Variants in DSTYK observed in about 807,000 individuals in gnomAD.
The protein encoded by DSTYK is RIP-homologous kinase.
Under a neutral mutation model 98.7 loss-of-function variants are expected in DSTYK, and 34 were observed. The ratio of observed to expected loss-of-function variants is 0.34; its 90% CI spans 0.26 to 0.46. The LOEUF is 0.46. Among genes scored for constraint, DSTYK ranks in the 20% least tolerant of loss-of-function variants. The probability of loss-of-function intolerance (pLI) is 1.00; values close to 1 mark genes in which losing one functional copy is unlikely to be tolerated. For missense variants in DSTYK, 962 were observed against 1,181.7 expected (o/e 0.81, Z 2.73); for synonymous variants, 462 against 457.3 (o/e 1.01, Z -0.13).
Position 205,169,053 on chromosome 1 carries a change from G to A in DSTYK, c.1324+110C>T. The A allele has an allele frequency of 1.0e-6, 1 of 993,636 alleles. No individual in the cohort carries two copies. Among genetic ancestry groups the A allele is most frequent in the African/African-American group, 1.6e-5 (1 of 61,682 alleles). The allele number at this position is 993,636 out of a possible 1,614,324, so 61.6% of individuals were successfully genotyped here. ...TGCTGGTAACAGTGGGGTGGATGAAGTTACCCTGAGATTCCTTTAACCTTA... is the reference window on the plus strand; with the variant it reads ...TGCTGGTAACAGTGGGGTGGATGAAATTACCCTGAGATTCCTTTAACCTTA... On this transcript the variant is annotated intron_variant, in intron 3 of 12. Transcript: ENST00000367162. This position sits in a 1 kb window ranked among gnomAD's most constrained non-coding sequence, Gnocchi z 4.0.
rs1176355663 is a variant in DSTYK, at chr1:205,160,225, A to G, written c.1994T>C (p.Val665Ala). ...GQELGRGQYG[V>A]VYLCDNWGGH... Reference sequence around the variant, plus strand: ...TCCCCAGTTGTCACACAGGTATACCACACCATACTGGCCCCGGCCCAGTTC... The same window carrying G: ...TCCCCAGTTGTCACACAGGTATACCGCACCATACTGGCCCCGGCCCAGTTC... The change falls in exon 8 of 13, where the codon GTG (valine) becomes GCG (alanine). Residue 665 changes from valine to alanine, a missense_variant. By Grantham distance (64) the Val-to-Ala change is moderately conservative. Coordinates refer to ENST00000367162, the MANE Select transcript of DSTYK (RefSeq NM_015375.3). 1 of 1,614,076 alleles carries G rather than the reference A, an allele frequency of 6.2e-7. No homozygotes were observed. Among genetic ancestry groups the G allele is most frequent in the Non-Finnish European group, 8.5e-7 (1 of 1,179,994 alleles).
chr1:205,150,093 A>G lies in DSTYK; in HGVS notation c.2467+587T>C, dbSNP rs1657359500. ...TCACAGAATTAAACAAAATATGTGA[A>G]AAACCTACCCATACTGCTTAGGTCA... is the stretch of plus-strand genomic sequence containing the variant. On this transcript the variant is annotated intron_variant, in intron 11 of 12. Coordinates refer to ENST00000367162, the MANE Select transcript of DSTYK (RefSeq NM_015375.3). This position sits in a 1 kb window ranked among gnomAD's most constrained non-coding sequence, Gnocchi z 4.1. Among the ~76,000 whole-genome samples, 1 of 152,176 alleles carries G rather than the reference A, an allele frequency of 6.6e-6. No individual in the cohort carries two copies. The highest frequency in any genetic ancestry group is 2.1e-4 in the South Asian group (1 of 4,824).
chr1:205,169,698 T>C lies in DSTYK; in HGVS notation c.789A>G (p.Gln263=). Residue 263 remains glutamine (Q), a synonymous_variant, in exon 3 of 13, where the codon CAA becomes CAG. Coordinates refer to ENST00000367162, the MANE Select transcript of DSTYK (RefSeq NM_015375.3). The surrounding 1 kb of genome is among the most constrained non-coding windows in gnomAD (Gnocchi z 4.0). The stretch of plus-strand genomic sequence containing the variant: ...AATACTTTCGGATTTCCTGAAGCTC[T>C]TGCTCATCCCTCTCAGAGAGTTCAT... ...HKDELSERDE[Q]ELQEIRKYFS... The C allele has an allele frequency of 6.2e-7, 1 of 1,614,258 alleles. No individual in the cohort carries two copies. The highest frequency in any genetic ancestry group is 8.5e-7 in the Non-Finnish European group (1 of 1,180,034).
At chr1:205,190,637 A>AC (rs5780271) in intron 1 of DSTYK, among the ~76,000 whole-genome samples, 3 of 149,788 alleles carry the variant, frequency 2.0e-5, no homozygotes, top group Admixed American at 6.7e-5. Flanking sequence ...AAAAAAAAAA[A>AC]CCCAAGAGTA....
chr1:205,206,263 G>GT (rs1041495852), intron 1 of DSTYK, among the ~76,000 whole-genome samples: 14 of 150,006 alleles, frequency 9.3e-5, no homozygotes, highest in Non-Finnish European at 8.9e-5. Context: ...GCAGGCACTG[G>GT]TTTTTTTTGG....
chr1:205,204,241 A>G (rs148986494), intron 1 of DSTYK, among the ~76,000 whole-genome samples: 2 of 152,224 alleles, frequency 1.3e-5, no homozygotes, highest in East Asian at 3.9e-4. Flanking sequence ...TCTGTAACAG[A>G]GTCTCTTTAC....
At chr1:205,186,707 G>A (rs545444999) in intron 2 of DSTYK, among the ~76,000 whole-genome samples, 71 of 152,262 alleles carry the variant, frequency 4.7e-4, no homozygotes, top group Non-Finnish European at 7.8e-4. Context: ...GAAAGGAAAC[G>A]CAGACCAAGA....
At chr1:205,173,690 G>T (rs1460792865) in intron 2 of DSTYK, among the ~76,000 whole-genome samples, 1 of 151,842 alleles carries the variant, frequency 6.6e-6, no homozygotes, top group Admixed American at 6.6e-5. Context: ...ATCAGCCAAA[G>T]CTGCCAAGTC....
chr1:205,197,305 G>A (rs902913136), intron 1 of DSTYK, among the ~76,000 whole-genome samples: 4 of 152,052 alleles, frequency 2.6e-5, no homozygotes, highest in African/African-American at 9.7e-5. Flanking sequence ...AGTGTTTAGA[G>A]GAGATGAGAA....
rs555607162 is a variant in DSTYK, at chr1:205,169,234, T to G, written c.1253A>C (p.Asp418Ala). The change falls in exon 3 of 13, where the codon GAT becomes GCT. Residue 418 changes from aspartate to alanine, a missense_variant. This residue lies in a region of DSTYK where 660 missense variants were observed against 855.0 expected (regional missense o/e 0.77). Transcript: ENST00000367162. The surrounding 1 kb of genome is among the most constrained non-coding windows in gnomAD (Gnocchi z 4.0). ...GGTATTAAGTGTCTCAACAATCATA[T>G]CCTTCATTTCCTCCTGCTTTCGGTT... ...IANRKQEEMK[D>A]MIVETLNTMK... is the part of the protein sequence containing the mutation. 5.0e-5 allele frequency: 81 copies of G among 1,614,042 alleles called. No homozygotes were observed. The highest frequency in any genetic ancestry group is 4.7e-4 in the South Asian group (43 of 91,064).
intron 2 of DSTYK, among the ~76,000 whole-genome samples, chr1:205,173,812 G>A (rs1658143864): frequency 1.3e-5 from 2 of 151,774 alleles, no homozygotes; most frequent in African/African-American, 4.8e-5. Context: ...TCTGCCTCCT[G>A]GGTTCAAGTG....
At chr1:205,199,300 G>C (rs923977885) in intron 1 of DSTYK, among the ~76,000 whole-genome samples, 1 of 152,146 alleles carries the variant, frequency 6.6e-6, no homozygotes, top group Non-Finnish European at 1.5e-5. Context: ...ACTGCCTAGA[G>C]AAGAAAATAG....
chr1:205,161,668 T>C (rs1287070526), intron 6 of DSTYK, among the ~76,000 whole-genome samples: 1 of 152,158 alleles, frequency 6.6e-6, no homozygotes, highest in Non-Finnish European at 1.5e-5. Flanking sequence ...ATATAGAAGT[T>C]GGAAAGTCAT....
At chr1:205,148,765 G>C (rs1481104658) in intron 11 of DSTYK, among the ~76,000 whole-genome samples, 3 of 152,152 alleles carry the variant, frequency 2.0e-5, no homozygotes, top group Non-Finnish European at 4.4e-5. Context: ...TTATGTTTTA[G>C]AGTAGGAGGT....
At chr1:205,204,455 T>TAC (rs56294352) in intron 1 of DSTYK, among the ~76,000 whole-genome samples, 31,133 of 148,658 alleles carry the variant, frequency 0.21, 3,309 homozygotes, top group East Asian at 0.44. Flanking sequence ...ATGCTCACCA[T>TAC]ACACACACAC....
intron 11 of DSTYK, 147 bp from the exon 12 acceptor site, chr1:205,148,486 T>C: frequency 2.1e-6 from 2 of 969,176 alleles, no homozygotes; most frequent in Non-Finnish European, 3.0e-6. Flanking sequence ...GTAGGCAGGG[T>C]ACATTTATAA....
At chr1:205,184,706 C>T (rs1293441602) in intron 2 of DSTYK, among the ~76,000 whole-genome samples, 2 of 152,180 alleles carry the variant, frequency 1.3e-5, no homozygotes, top group Non-Finnish European at 2.9e-5. Context: ...ACTGCCTCCA[C>T]TGGTTGAAGG....
chr1:205,159,825 C>T (rs901663717), intron 8 of DSTYK, 146 bp from the exon 9 acceptor site: 16 of 1,027,954 alleles, frequency 1.6e-5, no homozygotes, highest in Admixed American at 2.7e-5. Flanking sequence ...GCCCTCAGTA[C>T]AGACAGAGCA....
At chr1:205,192,656 G>T (rs1404415981) in intron 1 of DSTYK, among the ~76,000 whole-genome samples, 1 of 152,100 alleles carries the variant, frequency 6.6e-6, no homozygotes, top group Non-Finnish European at 1.5e-5. Flanking sequence ...GAGGTCAGGA[G>T]TTCGAGACCA....
Sources: allele counts gnomAD v4.1 joint callset (sites outside exome capture counted in the v4.1 genomes callset), GRCh38; gene constraint gnomAD v4.1.1; regional missense constraint gnomAD v4.1.1; non-coding constraint Gnocchi (gnomAD v3.1); transcripts MANE v1.5; gene names NCBI Gene and HGNC (gene_info 2026-07-23, HGNC 2026-07-21).